Variants in FRMD3 observed in about 807,000 individuals in gnomAD.
The protein encoded by FRMD3 is FERM domain-containing protein 3.
A neutral mutation model predicts 70.2 loss-of-function variants in FRMD3; 33 were observed. The observed-to-expected ratio is 0.47, with a 90% CI of 0.36 to 0.63. The LOEUF (loss-of-function observed/expected upper bound fraction) is 0.63. Ranked by LOEUF, FRMD3 falls within the 20% of genes least tolerant of loss-of-function variation. FRMD3 has a pLI of 0.00. For synonymous variants in FRMD3, 279 were observed against 255.9 expected (o/e 1.09, Z -0.86); for missense variants, 632 against 711.4 (o/e 0.89, Z 1.27).
chr9:83,309,482 A>G, intron 10 of FRMD3, 54 bp downstream of exon 10: 1 of 1,068,424 alleles, frequency 9.4e-7, no homozygotes, highest in Non-Finnish European at 1.4e-6. Context: ...CAAAACATAA[A>G]GAATTCCATG....
intron 1 of FRMD3, among the ~76,000 whole-genome samples, chr9:83,442,321 G>A (rs554952413): frequency 6.8e-5 from 10 of 147,480 alleles, no homozygotes; most frequent in East Asian, 6.0e-4. Context: ...GCAGTGGTGC[G>A]ATCTCAGCTC....
intron 13 of FRMD3, among the ~76,000 whole-genome samples, chr9:83,260,211 T>C (rs1431948906): frequency 2.0e-5 from 3 of 152,202 alleles, no homozygotes; most frequent in Non-Finnish European, 4.4e-5. Flanking sequence ...TCTACTCGGC[T>C]GGATACTTTA....
chr9:83,468,758 G>T (rs1828195991), intron 1 of FRMD3, among the ~76,000 whole-genome samples: 3 of 152,226 alleles, frequency 2.0e-5, no homozygotes, highest in Admixed American at 2.0e-4. Context: ...GAAGAATACA[G>T]CAATTTATCA....
rs1356825281 is a variant in FRMD3, at chr9:83,247,948, G to A, written c.1764C>T (p.His588=). The change falls in exon 14 of 14, where the codon CAC becomes CAT. Residue 588 remains histidine (H), a synonymous_variant. Transcript: ENST00000304195. The part of the protein sequence containing the change: ...PLKEWVAGKV[H]LILYMLGCS ...AGCAACCCAGCATGTAGAGGATGAGGTGGACTTTCCCAGCCACCCACTCCT... is the reference window on the plus strand; with the variant it reads ...AGCAACCCAGCATGTAGAGGATGAGATGGACTTTCCCAGCCACCCACTCCT... 1 of 1,614,150 alleles carries A rather than the reference G, an allele frequency of 6.2e-7. No homozygotes were observed. Among genetic ancestry groups the A allele is most frequent in the Admixed American group, 1.7e-5 (1 of 60,016 alleles).
chr9:83,264,033 A>T (rs11791029), intron 13 of FRMD3, among the ~76,000 whole-genome samples: 76,785 of 152,036 alleles, frequency 0.51, 21,312 homozygotes, highest in South Asian at 0.76. Context: ...TCAATAGAAA[A>T]TCCAACACAC....
intron 1 of FRMD3, among the ~76,000 whole-genome samples, chr9:83,491,386 G>C (rs993695164): frequency 6.6e-6 from 1 of 152,216 alleles, no homozygotes; most frequent in Admixed American, 6.5e-5. Context: ...GGTGCTTAAT[G>C]TTCTCTGTCA....
chr9:83,343,105 GC>G, intron 5 of FRMD3, 84 bp downstream of exon 5: 1 of 962,326 alleles, frequency 1.0e-6, no homozygotes, highest in South Asian at 1.3e-5. Flanking sequence ...AGGCAGGATG[GC>G]CACGGGTGGG....
rs114451167 is a variant in FRMD3 at position 83,308,057 on chromosome 9, C to T, written c.926+1479G>A. Among the ~76,000 whole-genome samples, 678 of 152,284 alleles carry T rather than the reference C, an allele frequency of 4.5e-3. 5 individuals carry two copies. Among genetic ancestry groups the T allele is most frequent in the African/African-American group, 0.015 (632 of 41,550 alleles). ...CAGGAAGGTCTACTGGTACACATCA[C>T]CTTCTCCAATCATTCCTAGCACAGC... On this transcript the variant is annotated intron_variant, in intron 10 of 13. Transcript: ENST00000304195.
chr9:83,463,314 CAT>C (rs1828028713), intron 1 of FRMD3, among the ~76,000 whole-genome samples: 2 of 152,158 alleles, frequency 1.3e-5, no homozygotes, highest in African/African-American at 4.8e-5. Flanking sequence ...CTAATAAAGA[CAT>C]ATGTGAGACT....
At chr9:83,349,464 T>C (rs944267578) in intron 4 of FRMD3, among the ~76,000 whole-genome samples, 3 of 152,204 alleles carry the variant, frequency 2.0e-5, no homozygotes, top group Non-Finnish European at 4.4e-5. Context: ...CAGTGCTTTT[T>C]TCTGCAGTTA....
At chr9:83,514,102 A>G (rs1042692630) in intron 1 of FRMD3, among the ~76,000 whole-genome samples, 2 of 152,136 alleles carry the variant, frequency 1.3e-5, no homozygotes, top group African/African-American at 4.8e-5. Flanking sequence ...CTGGAGCACC[A>G]ACAAGACAGA....
At chr9:83,354,793 T>C (rs1732420770) in intron 3 of FRMD3, among the ~76,000 whole-genome samples, 2 of 152,078 alleles carry the variant, frequency 1.3e-5, no homozygotes, top group Admixed American at 6.5e-5. Context: ...CAAGAAGATG[T>C]AACAGATGAG....
At chr9:83,305,784 A>T (rs541056174) in intron 10 of FRMD3, among the ~76,000 whole-genome samples, 1 of 152,360 alleles carries the variant, frequency 6.6e-6, no homozygotes, top group Admixed American at 6.5e-5. Context: ...GAATGAGATG[A>T]GGGTAGCTTG....
chr9:83,335,345 C>T (rs747232676), intron 6 of FRMD3, among the ~76,000 whole-genome samples, 171 bp downstream of exon 6: 6 of 152,156 alleles, frequency 3.9e-5, no homozygotes, highest in Admixed American at 6.5e-5. Context: ...TTGTTATTGA[C>T]GGAGGACACC....
chr9:83,363,980 C>G (rs568223447), intron 3 of FRMD3, among the ~76,000 whole-genome samples: 3 of 152,302 alleles, frequency 2.0e-5, no homozygotes, highest in African/African-American at 7.2e-5. Context: ...TCAATAATTA[C>G]AATTTTCTCA....
chr9:83,351,646 G>A (rs1275148050), intron 3 of FRMD3, among the ~76,000 whole-genome samples: 1 of 151,584 alleles, frequency 6.6e-6, no homozygotes, highest in Non-Finnish European at 1.5e-5. Context: ...ATCTTTAATA[G>A]AGATAGATAG....
chr9:83,244,636 A>G lies in FRMD3; in HGVS notation c.*3282T>C, dbSNP rs1396619826. On this transcript the variant is annotated 3_prime_UTR_variant, in exon 14 of 14. Transcript: ENST00000304195. ...ATTGCAAAAAATTTTACCCCAGAGT[A>G]TTTTTATTAGGGATTCCTGCCACCA... 1.6e-5 allele frequency: 16 copies of G among 984,108 alleles called. No individual in the cohort carries two copies. The highest frequency in any genetic ancestry group is 1.7e-5 in the Non-Finnish European group (14 of 828,898). 61.0% of individuals were successfully genotyped at this position (984,108 alleles called of 1,614,324 possible).
At position 83,494,833 on chromosome 9, in the gene FRMD3, ATG is replaced by A. The variant is rs377201441; in HGVS notation, c.147+43250_147+43251del. Among the ~76,000 whole-genome samples, 494 of 149,320 alleles carry A rather than the reference ATG, an allele frequency of 3.3e-3. 1 individual carries two copies. Among genetic ancestry groups the A allele is most frequent in the African/African-American group, 7.3e-3 (295 of 40,642 alleles). The stretch of plus-strand genomic sequence containing the variant: ...ATACTGGTGTTTTTTCTGTGCATTT[ATG>A]TGTGTGTGTGTGTGTGTGTGTGTGC... On this transcript the variant is annotated intron_variant, in intron 1 of 13. Transcript: ENST00000304195.
At chr9:83,549,957 G>T in the FRMD3 span, among the ~76,000 whole-genome samples, 1 of 152,162 alleles carries the variant, frequency 6.6e-6, no homozygotes, top group South Asian at 2.1e-4. Context: ...AGTTTAATTA[G>T]GTCTCATTTG....
Sources: gnomAD v4.1 joint callset for allele counts (sites outside exome capture counted in the v4.1 genomes callset) on GRCh38, gnomAD v4.1.1 for gene constraint, MANE v1.5 for transcripts, NCBI Gene and HGNC (gene_info 2026-07-23, HGNC 2026-07-21) for gene names.